EXOC6B: variants seen among roughly 807,000 people sequenced by gnomAD.
EXOC6B encodes the protein SEC15 homolog B.
In EXOC6B, 54 loss-of-function variants were observed where a neutral mutation model predicts 113.5. That is an observed-to-expected ratio of 0.48 (90% CI 0.38 to 0.60). EXOC6B has a LOEUF of 0.60. Ranked by LOEUF, EXOC6B falls within the 20% of genes least tolerant of loss-of-function variation. The pLI, the probability that EXOC6B is intolerant of heterozygous loss-of-function variation, is 0.00. For synonymous variants in EXOC6B, 357 were observed against 339.0 expected (o/e 1.05, Z -0.58); for missense variants, 797 against 977.5 (o/e 0.82, Z 2.46).
chr2:72,347,362 A>G (rs1034289170), intron 19 of EXOC6B, among the ~76,000 whole-genome samples: 1 of 152,114 alleles, frequency 6.6e-6, no homozygotes, highest in African/African-American at 2.4e-5. Flanking sequence ...TGCTTTTAAG[A>G]ACTTAATTTT....
chr2:72,399,860 A>C (rs1340277595), intron 18 of EXOC6B, among the ~76,000 whole-genome samples: 1 of 152,190 alleles, frequency 6.6e-6, no homozygotes, highest in Non-Finnish European at 1.5e-5. Context: ...ATACTGCCCA[A>C]AGCAATCTAC....
At chr2:72,720,655 A>T (rs1017055378) in intron 5 of EXOC6B, among the ~76,000 whole-genome samples, 4 of 152,140 alleles carry the variant, frequency 2.6e-5, no homozygotes, top group African/African-American at 9.7e-5. Flanking sequence ...TGGGAAGCTG[A>T]GGTGGGAGGA....
chr2:72,434,921 T>C (rs1485287235), intron 18 of EXOC6B, among the ~76,000 whole-genome samples: 3 of 152,172 alleles, frequency 2.0e-5, no homozygotes, highest in Non-Finnish European at 4.4e-5. Context: ...TCTGCTCTGA[T>C]CTTAGTTATT....
In EXOC6B at chr2:72,401,510, TATATAC is replaced by T. The variant is rs1289920503; in HGVS notation, c.1981-21646_1981-21641del. The stretch of plus-strand genomic sequence containing the variant: ...TTTTATATACATATATATATATATA[TATATAC>T]ATATATACATATATATATATATATA... On this transcript the variant is annotated intron_variant, in intron 18 of 21. Transcript: ENST00000272427. Among the ~76,000 whole-genome samples the T allele has an allele frequency of 4.8e-3, 201 of 41,694 alleles. 7 individuals are homozygous for T. The highest frequency in any genetic ancestry group is 0.023 in the African/African-American group (47 of 2,056). The allele number at this position is 41,694 out of a possible 152,430, so 27.4% of individuals were successfully genotyped here. A position where few individuals can be genotyped will look rare whatever the true frequency, so the allele number is the denominator to read the frequency against.
chr2:72,314,433 C>T (rs1687387783), intron 20 of EXOC6B, among the ~76,000 whole-genome samples: 1 of 152,170 alleles, frequency 6.6e-6, no homozygotes, highest in Non-Finnish European at 1.5e-5. Context: ...GTCAATTTTG[C>T]ATTTCTTGAT....
chr2:72,474,929 T>C (rs6736305), intron 17 of EXOC6B, among the ~76,000 whole-genome samples: 20,535 of 152,180 alleles, frequency 0.13, 1,721 homozygotes, highest in African/African-American at 0.24. Context: ...TTCCAGAAGA[T>C]GTATCTATGC....
chr2:72,253,403 T>C (rs924135056), intron 20 of EXOC6B, among the ~76,000 whole-genome samples: 1 of 152,208 alleles, frequency 6.6e-6, no homozygotes, highest in African/African-American at 2.4e-5. Context: ...TGAAAATATT[T>C]TTCCGAGCAC....
chr2:72,393,859 C>A (rs1692548286), intron 18 of EXOC6B, among the ~76,000 whole-genome samples: 1 of 152,096 alleles, frequency 6.6e-6, no homozygotes, highest in African/African-American at 2.4e-5. Flanking sequence ...CCAACAAACA[C>A]CTAATGTGTT....
intron 3 of EXOC6B, among the ~76,000 whole-genome samples, chr2:72,732,323 T>C (rs1316709686): frequency 1.3e-5 from 2 of 151,900 alleles, no homozygotes; most frequent in East Asian, 1.9e-4. Flanking sequence ...TATGGTTGTT[T>C]TTTTTGTTTT....
At chr2:72,650,148 G>C (rs867135063) in intron 6 of EXOC6B, among the ~76,000 whole-genome samples, 19 of 152,206 alleles carry the variant, frequency 1.2e-4, no homozygotes, top group African/African-American at 3.9e-4. Context: ...TTACACATCT[G>C]AGGGATCTAG....
intron 1 of EXOC6B, among the ~76,000 whole-genome samples, chr2:72,746,945 G>A (rs2104836773): frequency 6.6e-6 from 1 of 152,174 alleles, no homozygotes; most frequent in South Asian, 2.1e-4. Flanking sequence ...GCCCAGGCAA[G>A]TTAAATGCCT....
At chr2:72,709,274 G>A (rs754522756) in intron 6 of EXOC6B, among the ~76,000 whole-genome samples, 5 of 151,836 alleles carry the variant, frequency 3.3e-5, no homozygotes, top group South Asian at 2.1e-4. Flanking sequence ...GGGTTTTCAC[G>A]CCCAGTAAAG....
At chr2:72,264,552 C>G (rs907023591) in intron 20 of EXOC6B, among the ~76,000 whole-genome samples, 1 of 152,054 alleles carries the variant, frequency 6.6e-6, no homozygotes, top group African/African-American at 2.4e-5. Context: ...GCCTAGGTGA[C>G]GAGCGAAATT....
At chr2:72,508,994 C>T (rs1700758538) in intron 11 of EXOC6B, among the ~76,000 whole-genome samples, 1 of 151,428 alleles carries the variant, frequency 6.6e-6, no homozygotes, top group Non-Finnish European at 1.5e-5. Flanking sequence ...GTTTCTGCCC[C>T]CAAAACTCAC....
chr2:72,721,212 C>T (rs948471983), intron 5 of EXOC6B, among the ~76,000 whole-genome samples: 3 of 150,884 alleles, frequency 2.0e-5, no homozygotes, highest in Admixed American at 1.3e-4. Context: ...GCCTATAATC[C>T]CAGCTACTCA....
chr2:72,362,002 C>T (rs951694285), intron 19 of EXOC6B, among the ~76,000 whole-genome samples: 1 of 152,030 alleles, frequency 6.6e-6, no homozygotes, highest in Non-Finnish European at 1.5e-5. Context: ...AAGTTGTTTC[C>T]CTAAATCCTG....
At position 72,804,503 on chromosome 2, in the gene EXOC6B, A is replaced by G. The variant is rs374863251; in HGVS notation, c.113+21295T>C. Among the ~76,000 whole-genome samples, 28 of 152,296 alleles carry G rather than the reference A, an allele frequency of 1.8e-4. No individual in the cohort carries two copies. The South Asian group carries it at 4.4e-3, about 24-fold the overall frequency. On this transcript the variant is annotated intron_variant, in intron 1 of 21. Coordinates refer to ENST00000272427, the MANE Select transcript of EXOC6B (RefSeq NM_015189.3). Reference sequence around the variant, plus strand: ...GGTGCAAAACAACAGCACCAGAAATAATTTTGCAAAAAATGCTCATATTTC... The same window carrying G: ...GGTGCAAAACAACAGCACCAGAAATGATTTTGCAAAAAATGCTCATATTTC...
rs1252832178 is a variant in EXOC6B at position 72,731,136 on chromosome 2, TC to T, written c.418+18del. 1 of 1,604,332 alleles carries T rather than the reference TC, an allele frequency of 6.2e-7. No homozygotes were observed. The highest frequency in any genetic ancestry group is 1.1e-5 in the South Asian group (1 of 89,174). On this transcript the variant is annotated intron_variant, in intron 4 of 21. Coordinates refer to ENST00000272427, the MANE Select transcript of EXOC6B (RefSeq NM_015189.3). The stretch of plus-strand genomic sequence containing the variant: ...AAAAAAATTACACCAAGAATCCTTC[TC>T]CATTTCCAGTTCCTCACCTGGAAGA...
chr2:72,230,977 C>G (rs1321042834), intron 20 of EXOC6B, among the ~76,000 whole-genome samples: 1 of 152,084 alleles, frequency 6.6e-6, no homozygotes, highest in Admixed American at 6.5e-5. Flanking sequence ...AAATGCTTTT[C>G]CAGTGAATGA....
Sources: allele counts gnomAD v4.1 joint callset (sites outside exome capture counted in the v4.1 genomes callset), GRCh38; gene constraint gnomAD v4.1.1; transcripts MANE v1.5; gene names NCBI Gene and HGNC (gene_info 2026-07-23, HGNC 2026-07-21).